HSD17B12: variants seen among roughly 807,000 people sequenced by gnomAD.
HSD17B12 encodes the protein very-long-chain 3-oxoacyl-CoA reductase.
HSD17B12 carries 32 observed loss-of-function variants against 39.3 expected under a neutral mutation model. The observed-to-expected ratio is 0.81, with a 90% CI of 0.61 to 1.09. The LOEUF (loss-of-function observed/expected upper bound fraction) is 1.09, where lower values mean the gene tolerates loss of function less well. HSD17B12 is among the 50% of genes least tolerant of loss of function. The pLI is 0.00. For synonymous variants in HSD17B12, 150 were observed against 146.7 expected, an observed-to-expected ratio of 1.02 and a Z score of -0.16; for missense variants, 342 against 382.9, an observed-to-expected ratio of 0.89 and a Z score of 0.89.
At chr11:43,787,654 T>C (rs924503791) in intron 3 of HSD17B12, among the ~76,000 whole-genome samples, 35 of 151,840 alleles carry the variant, frequency 2.3e-4, no homozygotes, top group African/African-American at 8.0e-4. Flanking sequence ...GGAGAATTGC[T>C]TGAACCTGGG....
At chr11:43,776,957 T>C (rs1950711657) in intron 3 of HSD17B12, among the ~76,000 whole-genome samples, 1 of 152,202 alleles carries the variant, frequency 6.6e-6, no homozygotes, top group Non-Finnish European at 1.5e-5. Context: ...TCTGTTCCAT[T>C]GATCTATATC....
intron 1 of HSD17B12, among the ~76,000 whole-genome samples, chr11:43,733,112 T>C (rs1299236143): frequency 2.0e-5 from 3 of 152,260 alleles, no homozygotes; most frequent in Non-Finnish European, 4.4e-5. Flanking sequence ...AAAAATAAAG[T>C]TGGATTCAGC....
At chr11:43,560,655 C>T in the HSD17B12 span, among the ~76,000 whole-genome samples, 3 of 152,126 alleles carry the variant, frequency 2.0e-5, no homozygotes, top group East Asian at 1.9e-4. Flanking sequence ...GGGACAGGAA[C>T]GATGGATGGG....
chr11:43,615,939 T>C, the HSD17B12 span, among the ~76,000 whole-genome samples: 3 of 152,196 alleles, frequency 2.0e-5, no homozygotes, highest in Non-Finnish European at 4.4e-5. Context: ...TTCAAAGTGT[T>C]GCTCACAAAC....
At chr11:43,756,072 C>A (rs1950505325) in intron 3 of HSD17B12, among the ~76,000 whole-genome samples, 1 of 152,094 alleles carries the variant, frequency 6.6e-6, no homozygotes, top group Non-Finnish European at 1.5e-5. Context: ...GGAACCGCCC[C>A]CATGGTTCAA....
At chr11:43,704,183 G>A (rs1040098985) in intron 1 of HSD17B12, among the ~76,000 whole-genome samples, 4 of 152,180 alleles carry the variant, frequency 2.6e-5, no homozygotes, top group African/African-American at 9.7e-5. Context: ...AAGCAACAAA[G>A]TAAGCCTGAC....
At chr11:43,626,154 G>T in the HSD17B12 span, among the ~76,000 whole-genome samples, 3 of 151,212 alleles carry the variant, frequency 2.0e-5, no homozygotes, top group Admixed American at 2.0e-4. Flanking sequence ...ATATCTGCTT[G>T]TAAGACAATT....
chr11:43,580,705 AG>A, the HSD17B12 span, among the ~76,000 whole-genome samples: 1 of 151,978 alleles, frequency 6.6e-6, no homozygotes, highest in East Asian at 1.9e-4. Context: ...TGGAATGAGG[AG>A]GGGGTCCTGA....
intron 1 of HSD17B12, among the ~76,000 whole-genome samples, chr11:43,749,066 A>G (rs963798277): frequency 1.3e-5 from 2 of 152,212 alleles, no homozygotes; most frequent in African/African-American, 2.4e-5. Context: ...TTCCTGATGT[A>G]AAAATGCATT....
At chr11:43,587,823 C>T in the HSD17B12 span, among the ~76,000 whole-genome samples, 11 of 152,172 alleles carry the variant, frequency 7.2e-5, no homozygotes, top group South Asian at 1.0e-3. Context: ...ACAGCAAAGA[C>T]GGATTTCCTC....
chr11:43,760,231 G>A (rs73540453), intron 3 of HSD17B12, among the ~76,000 whole-genome samples: 2,273 of 151,638 alleles, frequency 0.015, 60 homozygotes, highest in African/African-American at 0.051. Flanking sequence ...TGTATTTTTC[G>A]CAGAAACAGG....
At chr11:43,655,902 G>A in the HSD17B12 span, among the ~76,000 whole-genome samples, 2 of 152,138 alleles carry the variant, frequency 1.3e-5, no homozygotes, top group Non-Finnish European at 2.9e-5. Flanking sequence ...TTTGGTATCA[G>A]GATGATGCTG....
chr11:43,801,868 T>C (rs2135052610), intron 4 of HSD17B12, among the ~76,000 whole-genome samples: 1 of 152,262 alleles, frequency 6.6e-6, no homozygotes, highest in East Asian at 1.9e-4. Flanking sequence ...TGGGGGATAG[T>C]TTTCTGCATG....
intron 3 of HSD17B12, among the ~76,000 whole-genome samples, chr11:43,788,783 CTTG>C (rs1249441513): frequency 2.0e-5 from 3 of 149,784 alleles, no homozygotes; most frequent in Non-Finnish European, 4.4e-5. Flanking sequence ...GAAATATAAA[CTTG>C]TTATAGGACC....
intron 4 of HSD17B12, 83 bp from the exon 5 acceptor site, chr11:43,815,354 T>C (rs1951112036): frequency 4.4e-6 from 3 of 681,842 alleles, no homozygotes; most frequent in Non-Finnish European, 7.6e-6. Context: ...ATCATATTAG[T>C]CTTGATATCT....
chr11:43,733,607 T>G (rs186685637), intron 1 of HSD17B12, among the ~76,000 whole-genome samples: 1 of 152,320 alleles, frequency 6.6e-6, no homozygotes, highest in African/African-American at 2.4e-5. Flanking sequence ...CAAGGAATGA[T>G]ACACCAAGAA....
the HSD17B12 span, among the ~76,000 whole-genome samples, chr11:43,568,398 C>T: frequency 6.6e-6 from 1 of 152,120 alleles, no homozygotes; most frequent in African/African-American, 2.4e-5. Context: ...CCACTGCACC[C>T]AGCCTCCTGT....
At chr11:43,735,688 A>T (rs142106510) in intron 1 of HSD17B12, among the ~76,000 whole-genome samples, 10 of 152,238 alleles carry the variant, frequency 6.6e-5, no homozygotes, top group Middle Eastern at 3.4e-3. Flanking sequence ...CTCTCATTCT[A>T]TGTGTGGGTT....
At chr11:43,663,675 CAACTG>C in the HSD17B12 span, among the ~76,000 whole-genome samples, 1 of 152,006 alleles carries the variant, frequency 6.6e-6, no homozygotes, top group Non-Finnish European at 1.5e-5. Context: ...TCCATGTTAC[CAACTG>C]AACTGGAGTT....
Sources: allele counts gnomAD v4.1 joint callset (sites outside exome capture counted in the v4.1 genomes callset), GRCh38; gene constraint gnomAD v4.1.1; transcripts MANE v1.5; gene names NCBI Gene and HGNC (gene_info 2026-07-23, HGNC 2026-07-21).